AGPAT4: variants seen among roughly 807,000 people sequenced by gnomAD.
AGPAT4 encodes 1-acylglycerol-3-phosphate O-acyltransferase 4.
In AGPAT4, 15 loss-of-function variants were observed where a neutral mutation model predicts 48.0. The ratio of observed to expected loss-of-function variants is 0.31; its 90% confidence interval spans 0.21 to 0.48. The LOEUF (loss-of-function observed/expected upper bound fraction) is 0.48, where lower values mean the gene tolerates loss of function less well. Ranked by LOEUF, AGPAT4 falls within the 20% of genes least tolerant of loss-of-function variation. The pLI is 0.99. For synonymous variants in AGPAT4, 178 were observed against 198.7 expected, an observed-to-expected ratio of 0.90 and a Z score of 0.88; for missense variants, 314 against 482.5, an observed-to-expected ratio of 0.65 and a Z score of 3.27.
intron 2 of AGPAT4, among the ~76,000 whole-genome samples, chr6:161,192,677 T>C (rs1236589662): frequency 6.6e-6 from 1 of 152,246 alleles, no homozygotes; most frequent in Non-Finnish European, 1.5e-5. Flanking sequence ...AATTTATCTT[T>C]AGCATTTTCT....
intron 1 of AGPAT4, among the ~76,000 whole-genome samples, chr6:161,271,576 G>A (rs111910705): frequency 3.2e-4 from 49 of 152,262 alleles, no homozygotes; most frequent in African/African-American, 9.6e-4. Context: ...GGGACCCTAC[G>A]TTTACTTTAT....
At position 161,206,518 on chromosome 6, in the gene AGPAT4, A is replaced by C. The variant is rs1431531491; in HGVS notation, c.178+25518T>G. On this transcript the variant is annotated intron_variant, in intron 2 of 8. Transcript: ENST00000320285. The surrounding 1 kb of genome is among the most constrained non-coding windows in gnomAD (Gnocchi z 4.8). Reference sequence around the variant, plus strand: ...ACTTCTACCCTTACCTGGCAATAATAAGGTGGCATCCCTTGACCCAGTGAC... The same window carrying C: ...ACTTCTACCCTTACCTGGCAATAATCAGGTGGCATCCCTTGACCCAGTGAC... Among the ~76,000 whole-genome samples the C allele has an allele frequency of 6.6e-6, 1 of 152,158 alleles. No homozygotes were observed. The highest frequency in any genetic ancestry group is 1.5e-5 in the Non-Finnish European group (1 of 68,018).
chr6:161,182,463 C>T (rs913335364), intron 2 of AGPAT4, among the ~76,000 whole-genome samples: 26 of 149,918 alleles, frequency 1.7e-4, no homozygotes, highest in Non-Finnish European at 3.4e-4. Context: ...ACCCTATCCC[C>T]TCACCCCAGC....
At chr6:161,168,735 TAC>T (rs780479217) in intron 2 of AGPAT4, among the ~76,000 whole-genome samples, 2 of 152,156 alleles carry the variant, frequency 1.3e-5, no homozygotes, top group Non-Finnish European at 2.9e-5. Flanking sequence ...AAAAGACAGC[TAC>T]ACAACCACAA....
Position 161,254,812 on chromosome 6 carries a change from A to G in AGPAT4, c.-90+19126T>C, listed in dbSNP as rs1179963278. On this transcript the variant is annotated intron_variant, in intron 1 of 8. Coordinates refer to ENST00000320285, the MANE Select transcript of AGPAT4 (RefSeq NM_020133.3). The surrounding 1 kb of genome is among the most constrained non-coding windows in gnomAD (Gnocchi z 5.9). ...CAATTTAGAGAACAAACATGGATTCAATACTAAAAGCCAGTGTGTTTGGGT... is the reference window on the plus strand; with the variant it reads ...CAATTTAGAGAACAAACATGGATTCGATACTAAAAGCCAGTGTGTTTGGGT... Among the ~76,000 whole-genome samples, 1 of 152,244 alleles carries G rather than the reference A, an allele frequency of 6.6e-6. No individual in the cohort carries two copies. The highest frequency in any genetic ancestry group is 1.5e-5 in the Non-Finnish European group (1 of 68,036).
intron 2 of AGPAT4, among the ~76,000 whole-genome samples, chr6:161,207,103 GTC>G (rs1348697660): frequency 6.6e-6 from 1 of 152,144 alleles, no homozygotes; most frequent in Non-Finnish European, 1.5e-5. Context: ...GAATTTAAGA[GTC>G]TTATGTTTCT....
rs950281052 is a variant in AGPAT4 at position 161,137,194 on chromosome 6, T to C, written c.1043-560A>G. ...GGACCCTCGTGGGAGCCCAGTTTAATATAGGAAGCTGGAAAGCAGGGCCTA... is the reference window on the plus strand; with the variant it reads ...GGACCCTCGTGGGAGCCCAGTTTAACATAGGAAGCTGGAAAGCAGGGCCTA... On this transcript the variant is annotated intron_variant, in intron 8 of 8. Coordinates refer to ENST00000320285, the MANE Select transcript of AGPAT4 (RefSeq NM_020133.3). The surrounding 1 kb of genome is among the most constrained non-coding windows in gnomAD (Gnocchi z 6.1). Among the ~76,000 whole-genome samples the C allele has an allele frequency of 6.6e-6, 1 of 152,126 alleles. No homozygotes were observed. Among genetic ancestry groups the C allele is most frequent in the Non-Finnish European group, 1.5e-5 (1 of 68,032 alleles).
At chr6:161,162,001 A>T (rs1018450979) in intron 3 of AGPAT4, 2 of 163,564 alleles carry the variant, frequency 1.2e-5, no homozygotes, top group Admixed American at 5.6e-5. Flanking sequence ...AGAGACAGAG[A>T]TCTCACTGTG....
intron 1 of AGPAT4, among the ~76,000 whole-genome samples, chr6:161,239,880 A>C (rs1782431876): frequency 6.6e-6 from 1 of 152,162 alleles, no homozygotes; most frequent in Admixed American, 6.5e-5. Context: ...GCTTCATACC[A>C]CTTAATAGTA....
intron 8 of AGPAT4, 49 bp from the exon 9 acceptor site, chr6:161,136,683 G>A: frequency 6.5e-7 from 1 of 1,539,012 alleles, no homozygotes; most frequent in African/African-American, 1.4e-5. Flanking sequence ...ACAGACTACA[G>A]GGCCGTTTTC....
chr6:161,247,472 CT>C (rs376103049), intron 1 of AGPAT4, among the ~76,000 whole-genome samples: 7 of 152,018 alleles, frequency 4.6e-5, no homozygotes, highest in Non-Finnish European at 7.4e-5. Flanking sequence ...ATTTCAGAGG[CT>C]TTTTTTATTT....
In AGPAT4 at chr6:161,233,264, G is replaced by T. The variant is rs369686662; in HGVS notation, c.-89-962C>A. Among the ~76,000 whole-genome samples, 1 of 152,168 alleles carries T rather than the reference G, an allele frequency of 6.6e-6. No individual in the cohort carries two copies. The highest frequency in any genetic ancestry group is 2.4e-5 in the African/African-American group (1 of 41,424). ...AACAGAATAATGAAATGACTTTACA[G>T]TTTGGGAAATAAAAGCTTTCCTTTG... is the stretch of plus-strand genomic sequence containing the variant. On this transcript the variant is annotated intron_variant, in intron 1 of 8. Transcript: ENST00000320285. This position sits in a 1 kb window ranked among gnomAD's most constrained non-coding sequence, Gnocchi z 5.4.
At position 161,202,032 on chromosome 6, in the gene AGPAT4, C is replaced by T. The variant is rs536712541; in HGVS notation, c.178+30004G>A. Among the ~76,000 whole-genome samples the T allele has an allele frequency of 5.9e-5, 9 of 152,296 alleles. No homozygotes were observed. The highest frequency in any genetic ancestry group is 6.8e-3 in the Middle Eastern group (2 of 294). ...CCTCCTCCAGGAAGTCTACCTGACC[C>T]GGGAACCTGGACAAGGTGGCTCTCA... On this transcript the variant is annotated intron_variant, in intron 2 of 8. Transcript: ENST00000320285. The surrounding 1 kb of genome is among the most constrained non-coding windows in gnomAD (Gnocchi z 5.4).
Position 161,217,965 on chromosome 6 carries a change from C to T in AGPAT4, c.178+14071G>A, listed in dbSNP as rs141484633. Among the ~76,000 whole-genome samples, 63 of 152,364 alleles carry T rather than the reference C, an allele frequency of 4.1e-4. No individual in the cohort carries two copies. In the East Asian group the frequency reaches 6.6e-3, roughly 16 times the overall value. On this transcript the variant is annotated intron_variant, in intron 2 of 8. Transcript: ENST00000320285. The surrounding 1 kb of genome is among the most constrained non-coding windows in gnomAD (Gnocchi z 4.9). Reference sequence around the variant, plus strand: ...GAAGGACAAGGTCTCTTCCTCATCTCCCAACTCACCTTGTAGCGTAGAGCA... The same window carrying T: ...GAAGGACAAGGTCTCTTCCTCATCTTCCAACTCACCTTGTAGCGTAGAGCA...
intron 2 of AGPAT4, among the ~76,000 whole-genome samples, chr6:161,228,275 T>A (rs569560102): frequency 6.6e-6 from 1 of 152,254 alleles, no homozygotes; most frequent in Non-Finnish European, 1.5e-5. Flanking sequence ...GGAGGCAGGA[T>A]GTGTAATTTT....
At position 161,138,355 on chromosome 6, in the gene AGPAT4, G is replaced by T. The variant is rs780708508; in HGVS notation, c.1042+1067C>A. Among the ~76,000 whole-genome samples the T allele has an allele frequency of 6.6e-5, 10 of 152,320 alleles. No homozygotes were observed. The highest frequency in any genetic ancestry group is 1.3e-4 in the Admixed American group (2 of 15,306). ...TACTGCACCCATATGCTGCAGCATT[G>T]GTTGGCTCAGTCAGAATGAATGAGC... is the stretch of plus-strand genomic sequence containing the variant. On this transcript the variant is annotated intron_variant, in intron 8 of 8. Coordinates refer to ENST00000320285, the MANE Select transcript of AGPAT4 (RefSeq NM_020133.3). This position sits in a 1 kb window ranked among gnomAD's most constrained non-coding sequence, Gnocchi z 4.8.
At chr6:161,213,589 G>A (rs1375527684) in intron 2 of AGPAT4, among the ~76,000 whole-genome samples, 1 of 152,066 alleles carries the variant, frequency 6.6e-6, no homozygotes, top group Non-Finnish European at 1.5e-5. Flanking sequence ...AAAGCCCTGT[G>A]AACTGAAGCC....
rs1781084422 is a variant in AGPAT4, at chr6:161,196,904, T to C, written c.179-30487A>G. Among the ~76,000 whole-genome samples, 1 of 151,672 alleles carries C rather than the reference T, an allele frequency of 6.6e-6. No individual in the cohort carries two copies. The highest frequency in any genetic ancestry group is 2.4e-5 in the African/African-American group (1 of 41,242). ...TCAAGAAAGTCACATCAGGACTTGC[T>C]CACTGACCAAACATTTGGGCACTTA... On this transcript the variant is annotated intron_variant, in intron 2 of 8. Coordinates refer to ENST00000320285, the MANE Select transcript of AGPAT4 (RefSeq NM_020133.3). This position sits in a 1 kb window ranked among gnomAD's most constrained non-coding sequence, Gnocchi z 4.3.
At position 161,270,018 on chromosome 6, in the gene AGPAT4, G is replaced by C. The variant is rs1445377924; in HGVS notation, c.-90+3920C>G. Among the ~76,000 whole-genome samples the C allele has an allele frequency of 6.6e-6, 1 of 152,150 alleles. No homozygotes were observed. The highest frequency in any genetic ancestry group is 2.4e-5 in the African/African-American group (1 of 41,446). On this transcript the variant is annotated intron_variant, in intron 1 of 8. Transcript: ENST00000320285. The surrounding 1 kb of genome is among the most constrained non-coding windows in gnomAD (Gnocchi z 5.3). ...GGAAAAGAAGACAGGTAGATGGATTGTTCCATGACAATGTTGAAACAAATT... is the reference window on the plus strand; with the variant it reads ...GGAAAAGAAGACAGGTAGATGGATTCTTCCATGACAATGTTGAAACAAATT...
Sources: gnomAD v4.1 joint callset for allele counts (sites outside exome capture counted in the v4.1 genomes callset) on GRCh38, gnomAD v4.1.1 for gene constraint, Gnocchi (gnomAD v3.1) non-coding constraint, MANE v1.5 for transcripts, NCBI Gene and HGNC (gene_info 2026-07-23, HGNC 2026-07-21) for gene names.